The following ARHGAP44 variants were observed in gnomAD, a reference collection of about 807,000 sequenced individuals.
The protein encoded by ARHGAP44 is rho GTPase-activating protein 44.
ARHGAP44 carries 43 observed loss-of-function variants against 106.8 expected under a neutral mutation model. The observed-to-expected ratio is 0.40, with a 90% CI of 0.32 to 0.52. The LOEUF (loss-of-function observed/expected upper bound fraction) is 0.52, where lower values mean the gene tolerates loss of function less well. ARHGAP44 is among the 20% of genes least tolerant of loss of function. The pLI is 0.48. For missense variants in ARHGAP44, 866 were observed against 1,050.5 expected (o/e 0.82, Z 2.43); for synonymous variants, 439 against 410.3 (o/e 1.07, Z -0.85).
chr17:12,905,301 A>T (rs913886541), intron 3 of ARHGAP44, among the ~76,000 whole-genome samples: 2 of 152,182 alleles, frequency 1.3e-5, no homozygotes, highest in African/African-American at 4.8e-5. Context: ...AATTCACTTA[A>T]TTCTGTCCTC....
At chr17:12,862,377 C>T (rs959446132) in intron 1 of ARHGAP44, among the ~76,000 whole-genome samples, 1 of 152,160 alleles carries the variant, frequency 6.6e-6, no homozygotes, top group African/African-American at 2.4e-5. Context: ...TTGACTGCCA[C>T]CATCATTACA....
intron 1 of ARHGAP44, among the ~76,000 whole-genome samples, chr17:12,828,577 T>C (rs563044585): frequency 4.5e-4 from 68 of 151,712 alleles, no homozygotes; most frequent in Admixed American, 8.5e-4. Flanking sequence ...ATGATATATT[T>C]TAAAAATATA....
At chr17:12,905,454 A>G (rs1368179230) in intron 3 of ARHGAP44, among the ~76,000 whole-genome samples, 1 of 152,118 alleles carries the variant, frequency 6.6e-6, no homozygotes, top group Non-Finnish European at 1.5e-5. Flanking sequence ...TGCACTTTGC[A>G]GAACAGTTGC....
chr17:12,841,637 C>CACACACACACACACACACAA (rs1555546100), intron 1 of ARHGAP44, among the ~76,000 whole-genome samples: 1 of 101,618 alleles, frequency 9.8e-6, no homozygotes, highest in Non-Finnish European at 2.1e-5. Context: ...CACACACACA[C>CACACACACACACACACACAA]ACAAACAAAC....
At chr17:12,893,927 A>G (rs1304223509) in intron 1 of ARHGAP44, among the ~76,000 whole-genome samples, 1 of 152,170 alleles carries the variant, frequency 6.6e-6, no homozygotes, top group Non-Finnish European at 1.5e-5. Context: ...GTTCCCAGCC[A>G]GTATGCCTTC....
At chr17:12,933,196 T>A (rs1036094269) in intron 7 of ARHGAP44, among the ~76,000 whole-genome samples, 25 of 152,242 alleles carry the variant, frequency 1.6e-4, no homozygotes, top group African/African-American at 6.0e-4. Context: ...AATGGGTTAT[T>A]TCCCCTGATC....
At position 12,949,371 on chromosome 17, in the gene ARHGAP44, G is replaced by T. The variant is rs2038939603; in HGVS notation, c.973+120G>T. Reference sequence around the variant, plus strand: ...AGTGGCTGCCCAAAGCACTTCAGATGTGTCCACTCAGTGCCCAGTTTCAGG... The same window carrying T: ...AGTGGCTGCCCAAAGCACTTCAGATTTGTCCACTCAGTGCCCAGTTTCAGG... On this transcript the variant is annotated intron_variant, in intron 11 of 20. Transcript: ENST00000379672. This position sits in a 1 kb window ranked among gnomAD's most constrained non-coding sequence, Gnocchi z 4.1. 6.3e-6 allele frequency: 7 copies of T among 1,112,802 alleles called. No homozygotes were observed. The highest frequency in any genetic ancestry group is 7.7e-6 in the Non-Finnish European group (6 of 777,162). 68.9% of individuals were successfully genotyped at this position (1,112,802 alleles called of 1,614,324 possible). A position where few individuals can be genotyped will look rare whatever the true frequency, so the allele number is the denominator to read the frequency against.
chr17:12,872,952 C>T (rs901231309), intron 1 of ARHGAP44, among the ~76,000 whole-genome samples: 18 of 152,170 alleles, frequency 1.2e-4, no homozygotes, highest in African/African-American at 2.7e-4. Flanking sequence ...GTTTTGAAAA[C>T]GTGGATTTAT....
Position 12,958,831 on chromosome 17 carries a change from A to G in ARHGAP44, c.1457A>G (p.Glu486Gly), listed in dbSNP as rs940316421. ...DMDPADRRQP[E>G]QARRPLSVAT... ...GACCCTGCTGACCGGCGCCAGCCCG[A>G]GCAGGCCCGCCGGCCCCTCAGCGTC... The change falls in exon 16 of 21, where the codon GAG (glutamate) becomes GGG (glycine). Residue 486 changes from glutamate to glycine, a missense_variant. Physicochemically the swap from Glu to Gly is moderately conservative, Grantham distance 98. Around this residue, in one of 2 missense-constraint regions of ARHGAP44, gnomAD observed 448 missense variants for 646.9 expected, o/e 0.69. Coordinates refer to ENST00000379672, the MANE Select transcript of ARHGAP44 (RefSeq NM_014859.6). This position sits in a 1 kb window ranked among gnomAD's most constrained non-coding sequence, Gnocchi z 4.1. 6.3e-7 allele frequency: 1 copy of G among 1,588,602 alleles called. No individual in the cohort carries two copies. The highest frequency in any genetic ancestry group is 1.8e-5 in the Admixed American group (1 of 55,138).
At chr17:12,947,570 C>G (rs1436785123) in intron 10 of ARHGAP44, among the ~76,000 whole-genome samples, 1 of 152,188 alleles carries the variant, frequency 6.6e-6, no homozygotes, top group East Asian at 1.9e-4. Flanking sequence ...TGCACACTTT[C>G]CTCTAACACC....
intron 1 of ARHGAP44, among the ~76,000 whole-genome samples, chr17:12,811,062 C>T (rs1030760161): frequency 2.0e-5 from 3 of 152,040 alleles, no homozygotes; most frequent in African/African-American, 7.2e-5. Context: ...CCTGTAATCC[C>T]AGCACTTTAG....
chr17:12,840,986 T>C (rs547633509), intron 1 of ARHGAP44, among the ~76,000 whole-genome samples: 1 of 152,184 alleles, frequency 6.6e-6, no homozygotes, highest in South Asian at 2.1e-4. Flanking sequence ...GGTACCCTCA[T>C]AGTGTGTGTG....
At chr17:12,960,348 A>G (rs1451885436) in intron 16 of ARHGAP44, among the ~76,000 whole-genome samples, 2 of 152,084 alleles carry the variant, frequency 1.3e-5, no homozygotes, top group Admixed American at 6.5e-5. Context: ...TGGGTGGATC[A>G]CAAGGTCAGG....
At chr17:12,857,964 A>C (rs1202472030) in intron 1 of ARHGAP44, among the ~76,000 whole-genome samples, 3 of 152,044 alleles carry the variant, frequency 2.0e-5, no homozygotes, top group African/African-American at 7.2e-5. Context: ...TAGTGGCTTG[A>C]GGATTGGCTG....
chr17:12,863,284 A>G (rs2036143761), intron 1 of ARHGAP44, among the ~76,000 whole-genome samples: 1 of 152,214 alleles, frequency 6.6e-6, no homozygotes, highest in South Asian at 2.1e-4. Flanking sequence ...AAACAGCCCA[A>G]CGAGAAATAA....
At chr17:12,954,085 A>C (rs1598111236) in intron 13 of ARHGAP44, among the ~76,000 whole-genome samples, 1 of 146,252 alleles carries the variant, frequency 6.8e-6, no homozygotes, top group African/African-American at 2.5e-5. Flanking sequence ...TTTAGTAGAG[A>C]CGGGGTTTCA....
chr17:12,970,383 A>AAG (rs1555565454), intron 16 of ARHGAP44, among the ~76,000 whole-genome samples: 11,802 of 140,240 alleles, frequency 0.084, 1,578 homozygotes, highest in African/African-American at 0.27. Flanking sequence ...AAAAAAAAAA[A>AAG]AAAAAGAAAA....
At chr17:12,923,941 C>T (rs909673766) in intron 6 of ARHGAP44, among the ~76,000 whole-genome samples, 6 of 152,152 alleles carry the variant, frequency 3.9e-5, no homozygotes, top group African/African-American at 1.4e-4. Context: ...GAATGCTCCC[C>T]CCCTACCCCC....
intron 18 of ARHGAP44, among the ~76,000 whole-genome samples, chr17:12,977,955 T>C (rs2039728796): frequency 6.8e-6 from 1 of 146,174 alleles, no homozygotes; most frequent in South Asian, 2.2e-4. Context: ...GGAGAATCGC[T>C]TGAACCTGGG....
Sources: gnomAD v4.1 joint callset for allele counts (sites outside exome capture counted in the v4.1 genomes callset) on GRCh38, gnomAD v4.1.1 for gene constraint, gnomAD v4.1.1 regional missense constraint, Gnocchi (gnomAD v3.1) non-coding constraint, MANE v1.5 for transcripts, NCBI Gene and HGNC (gene_info 2026-07-23, HGNC 2026-07-21) for gene names.